GRIN2B: variants seen among roughly 807,000 people sequenced by gnomAD.
The protein encoded by GRIN2B is glutamate receptor ionotropic, NMDA 2B.
Under a neutral mutation model 114.5 loss-of-function variants are expected in GRIN2B, and 5 were observed. The ratio of observed to expected loss-of-function variants is 0.04; its 90% confidence interval spans 0.02 to 0.09. The LOEUF is 0.09. Ranked by LOEUF, GRIN2B falls within the 10% of genes least tolerant of loss-of-function variation. The pLI is 1.00. For synonymous variants in GRIN2B, 787 were observed against 745.1 expected (o/e 1.06, Z -0.92); for missense variants, 1,108 against 1,943.5 (o/e 0.57, Z 8.08).
chr12:13,926,293 T>C (rs1866909307), intron 2 of GRIN2B, among the ~76,000 whole-genome samples: 1 of 152,162 alleles, frequency 6.6e-6, no homozygotes, highest in Admixed American at 6.5e-5. Flanking sequence ...CTATCCCCCG[T>C]TCGTCACTTC....
At chr12:13,922,328 G>A (rs532756620) in intron 2 of GRIN2B, among the ~76,000 whole-genome samples, 6 of 152,224 alleles carry the variant, frequency 3.9e-5, no homozygotes, top group Middle Eastern at 6.8e-3. Flanking sequence ...TCAAACCCCC[G>A]CTTCCACAAT....
intron 4 of GRIN2B, among the ~76,000 whole-genome samples, chr12:13,743,621 A>G (rs2192973): frequency 0.83 from 125,160 of 151,700 alleles, 51,972 homozygotes; most frequent in African/African-American, 0.91. Flanking sequence ...AAGAAAGTCA[A>G]TGGGAGTGTC....
At chr12:13,810,560 G>A (rs1478619867) in intron 3 of GRIN2B, among the ~76,000 whole-genome samples, 1 of 152,060 alleles carries the variant, frequency 6.6e-6, no homozygotes, top group Non-Finnish European at 1.5e-5. Flanking sequence ...TTATTTGTGA[G>A]TGGAGCCTGT....
At chr12:13,628,472 A>C (rs1949590651) in intron 5 of GRIN2B, among the ~76,000 whole-genome samples, 2 of 152,366 alleles carry the variant, frequency 1.3e-5, no homozygotes, top group South Asian at 4.1e-4. Flanking sequence ...AGTTTACTTG[A>C]AAATATGCAG....
rs1333572280 is a variant in GRIN2B, at chr12:13,564,244, G to C, written c.2994C>G (p.Ser998Arg). 6.2e-7 allele frequency: 1 copy of C among 1,614,196 alleles called. No individual in the cohort carries two copies. The change falls in exon 14 of 14, where the codon AGC becomes AGG. Residue 998 changes from serine (S) to arginine (R), a missense_variant. By Grantham distance (110) the Ser-to-Arg change is moderately radical (BLOSUM62 -1). Around this residue, in one of 19 missense-constraint regions of GRIN2B, gnomAD observed 140 missense variants for 187.5 expected, o/e 0.75. Coordinates refer to ENST00000609686, the MANE Select transcript of GRIN2B (RefSeq NM_000834.5). The surrounding 1 kb of genome is among the most constrained non-coding windows in gnomAD (Gnocchi z 4.8). ...HHRPHSIGSA[S>R]SIDGLYDCDN... is the part of the protein sequence containing the mutation. ...CACAGTCGTAGAGCCCATCGATGGAGCTGGCACTGCCAATACTATGGGGCC... is the reference window on the plus strand; with the variant it reads ...CACAGTCGTAGAGCCCATCGATGGACCTGGCACTGCCAATACTATGGGGCC...
chr12:13,921,877 T>C lies in GRIN2B; in HGVS notation c.-18-55651A>G, dbSNP rs145481778. On this transcript the variant is annotated intron_variant, in intron 2 of 13. Transcript: ENST00000609686. ...CTGAATTGAAGAATCAGTGGATAGA[T>C]GGATAGGCAGATAAGTATGTACCAA... Among the ~76,000 whole-genome samples, 415 of 152,226 alleles carry C rather than the reference T, an allele frequency of 2.7e-3. 7 individuals carry two copies. The highest frequency in any genetic ancestry group is 1.5e-3 in the Admixed American group (23 of 15,276).
At chr12:13,845,114 T>G (rs561659438) in intron 3 of GRIN2B, among the ~76,000 whole-genome samples, 2 of 152,302 alleles carry the variant, frequency 1.3e-5, no homozygotes, top group Non-Finnish European at 2.9e-5. Context: ...AAAAGAACTA[T>G]CTATGGCCTG....
chr12:13,899,458 C>G (rs1866408530), intron 2 of GRIN2B, among the ~76,000 whole-genome samples: 1 of 107,080 alleles, frequency 9.3e-6, no homozygotes, highest in Non-Finnish European at 2.6e-5. Context: ...AAGCCATGTT[C>G]AACCCAAATG....
At chr12:13,795,193 G>T (rs964497494) in intron 3 of GRIN2B, among the ~76,000 whole-genome samples, 8 of 152,158 alleles carry the variant, frequency 5.3e-5, no homozygotes, top group African/African-American at 1.9e-4. Flanking sequence ...ATATTGGGTA[G>T]AGAAAAAATA....
chr12:13,565,698 T>C (rs1443761502), intron 13 of GRIN2B, among the ~76,000 whole-genome samples: 1 of 152,148 alleles, frequency 6.6e-6, no homozygotes, highest in Non-Finnish European at 1.5e-5. Flanking sequence ...GTCATTATAA[T>C]GAACGGGACT....
chr12:13,568,129 A>G (rs1357970950), intron 12 of GRIN2B, among the ~76,000 whole-genome samples: 1 of 152,174 alleles, frequency 6.6e-6, no homozygotes, highest in Non-Finnish European at 1.5e-5. Flanking sequence ...CCTTCTTTAC[A>G]CATTGTTTAA....
intron 2 of GRIN2B, among the ~76,000 whole-genome samples, chr12:13,889,414 C>G (rs976316991): frequency 3.3e-5 from 5 of 152,176 alleles, no homozygotes; most frequent in African/African-American, 1.2e-4. Flanking sequence ...ATATCTGAGT[C>G]TACTGAAGAA....
chr12:13,916,450 T>G (rs1328646256), intron 2 of GRIN2B, among the ~76,000 whole-genome samples: 1 of 152,130 alleles, frequency 6.6e-6, no homozygotes, highest in Non-Finnish European at 1.5e-5. Flanking sequence ...AAATGTGTTG[T>G]GTGAATGGTT....
chr12:13,710,989 C>T (rs1433852055), intron 4 of GRIN2B, among the ~76,000 whole-genome samples: 8 of 151,828 alleles, frequency 5.3e-5, no homozygotes, highest in South Asian at 2.1e-4. Context: ...ACTACAAGGC[C>T]ACAGTAACCA....
chr12:13,613,265 T>A (rs557271370), intron 8 of GRIN2B, among the ~76,000 whole-genome samples: 1 of 152,336 alleles, frequency 6.6e-6, no homozygotes, highest in East Asian at 1.9e-4. Context: ...ACCACCTCTG[T>A]GGTCTTTTCC....
chr12:13,763,007 A>G (rs1017396299), intron 3 of GRIN2B, among the ~76,000 whole-genome samples: 1 of 152,118 alleles, frequency 6.6e-6, no homozygotes, highest in Non-Finnish European at 1.5e-5. Context: ...GTTCACAATC[A>G]AAGAGGCTTT....
intron 5 of GRIN2B, among the ~76,000 whole-genome samples, chr12:13,636,943 A>G (rs756469945): frequency 8.5e-5 from 13 of 152,204 alleles, no homozygotes; most frequent in Non-Finnish European, 1.5e-4. Flanking sequence ...GGAAACTCTC[A>G]ATAAATATTG....
intron 4 of GRIN2B, among the ~76,000 whole-genome samples, chr12:13,735,751 C>A (rs1224162890): frequency 6.6e-6 from 1 of 152,160 alleles, no homozygotes; most frequent in South Asian, 2.1e-4. Context: ...CAGATATATC[C>A]TGTTCCTTTA....
chr12:13,897,454 TC>T (rs987536980), intron 2 of GRIN2B, among the ~76,000 whole-genome samples: 7 of 152,144 alleles, frequency 4.6e-5, no homozygotes, highest in Non-Finnish European at 1.0e-4. Context: ...TTAGAGAGAC[TC>T]CCAAATCCTC....
Sources: gnomAD v4.1 joint callset for allele counts (sites outside exome capture counted in the v4.1 genomes callset) on GRCh38, gnomAD v4.1.1 for gene constraint, gnomAD v4.1.1 regional missense constraint, Gnocchi (gnomAD v3.1) non-coding constraint, MANE v1.5 for transcripts, NCBI Gene and HGNC (gene_info 2026-07-23, HGNC 2026-07-21) for gene names.